CDH13: variants seen among roughly 807,000 people sequenced by gnomAD.
CDH13 encodes cadherin 13, also known as cadherin-13.
Under a neutral mutation model 63.8 loss-of-function variants are expected in CDH13, and 24 were observed. That is an observed-to-expected ratio of 0.38 (90% CI 0.27 to 0.53). CDH13 has a LOEUF of 0.53. Among genes scored for constraint, CDH13 ranks in the 20% least tolerant of loss-of-function variants. CDH13 has a pLI of 0.85. For synonymous variants in CDH13, 503 were observed against 355.3 expected, an observed-to-expected ratio of 1.42 and a Z score of -4.67; for missense variants, 1,049 against 903.1, an observed-to-expected ratio of 1.16 and a Z score of -2.07.
At chr16:83,252,107 TAC>T (rs149781230) in intron 5 of CDH13, among the ~76,000 whole-genome samples, 27,110 of 135,702 alleles carry the variant, frequency 0.2, 3,177 homozygotes, top group East Asian at 0.56. Context: ...ATATATATTA[TAC>T]ACACACACAC....
rs1567731430 is a variant in CDH13, at chr16:83,000,220, C to CT, written c.158-31788dup. Among the ~76,000 whole-genome samples the CT allele has an allele frequency of 3.7e-3, 126 of 33,974 alleles. 13 individuals carry two copies. The highest frequency in any genetic ancestry group is 9.5e-3 in the African/African-American group (92 of 9,674). The allele number at this position is 33,974 out of a possible 152,430, so 22.3% of individuals were successfully genotyped here. A position where few individuals can be genotyped will look rare whatever the true frequency, so the allele number is the denominator to read the frequency against. Reference sequence around the variant, plus strand: ...TCCCTAGGAATATCCACAGGTTTAGCTTATTTTTTTTTTTTTTTTTTTTTT... The same window carrying CT: ...TCCCTAGGAATATCCACAGGTTTAGCTTTATTTTTTTTTTTTTTTTTTTTTT... On this transcript the variant is annotated intron_variant, in intron 2 of 13. Transcript: ENST00000567109.
At chr16:83,682,199 C>A (rs996887402) in intron 10 of CDH13, among the ~76,000 whole-genome samples, 1 of 152,164 alleles carries the variant, frequency 6.6e-6, no homozygotes, top group Admixed American at 6.5e-5. Flanking sequence ...ATAGCAGTAT[C>A]CTCTGAGAGA....
At position 82,685,479 on chromosome 16, in the gene CDH13, A is replaced by T. The variant is rs548203745; in HGVS notation, c.45+58342A>T. 3.9e-5 allele frequency among the ~76,000 whole-genome samples: 6 copies of T among 152,240 alleles called. No homozygotes were observed. The East Asian group carries it at 5.8e-4, about 15-fold the overall frequency. ...TGGGGGTTAGACATTTAACATATGG[A>T]TGTTGGGGGGAATAAATCTTTAGCC... On this transcript the variant is annotated intron_variant, in intron 1 of 13. Transcript: ENST00000567109.
intron 2 of CDH13, among the ~76,000 whole-genome samples, chr16:82,927,706 T>G (rs1397641689): frequency 6.6e-6 from 1 of 152,204 alleles, no homozygotes; most frequent in Non-Finnish European, 1.5e-5. Flanking sequence ...ATTGCCAGCT[T>G]ATGACTTTGG....
At chr16:82,657,780 A>G (rs1911466912) in intron 1 of CDH13, among the ~76,000 whole-genome samples, 1 of 152,222 alleles carries the variant, frequency 6.6e-6, no homozygotes. Context: ...TTAACCTCGT[A>G]TCTTGTAATC....
rs986384141 is a variant in CDH13, at chr16:83,127,261, G to A, written c.483+1760G>A. Among the ~76,000 whole-genome samples, 5 of 152,308 alleles carry A rather than the reference G, an allele frequency of 3.3e-5. No homozygotes were observed. The East Asian group carries it at 7.7e-4, about 24-fold the overall frequency. ...GAGGAGTTGGGGTTTCATCGTGCATGCAGCAGGGGACCACTGGAAGATTTC... is the reference window on the plus strand; with the variant it reads ...GAGGAGTTGGGGTTTCATCGTGCATACAGCAGGGGACCACTGGAAGATTTC... On this transcript the variant is annotated intron_variant, in intron 4 of 13. Coordinates refer to ENST00000567109, the MANE Select transcript of CDH13 (RefSeq NM_001257.5).
intron 6 of CDH13, among the ~76,000 whole-genome samples, chr16:83,351,513 T>C (rs12930957): frequency 0.53 from 80,796 of 151,828 alleles, 24,489 homozygotes; most frequent in East Asian, 0.82. Context: ...TCCGTAAATC[T>C]CTCTCTTCAC....
chr16:83,545,610 A>G (rs1190867029), intron 7 of CDH13, among the ~76,000 whole-genome samples: 1 of 152,146 alleles, frequency 6.6e-6, no homozygotes, highest in Non-Finnish European at 1.5e-5. Flanking sequence ...AAGTCCTTCT[A>G]ATGAAAAAGG....
At chr16:82,735,441 A>G (rs892554242) in intron 1 of CDH13, among the ~76,000 whole-genome samples, 2 of 152,248 alleles carry the variant, frequency 1.3e-5, no homozygotes, top group African/African-American at 4.8e-5. Context: ...GGCATGAAAC[A>G]ATACAGTTAT....
chr16:83,466,398 GAA>G (rs1255177623), intron 6 of CDH13, among the ~76,000 whole-genome samples: 5 of 152,294 alleles, frequency 3.3e-5, no homozygotes, highest in African/African-American at 1.2e-4. Context: ...CTTATATACA[GAA>G]ACAGTCCAGC....
chr16:83,041,091 T>C (rs1366816362), intron 3 of CDH13, among the ~76,000 whole-genome samples: 1 of 152,210 alleles, frequency 6.6e-6, no homozygotes, highest in African/African-American at 2.4e-5. Flanking sequence ...GACCTGGCAG[T>C]ATTTAAAAGT....
intron 1 of CDH13, among the ~76,000 whole-genome samples, chr16:82,666,374 C>T (rs917105989): frequency 1.4e-4 from 22 of 152,196 alleles, no homozygotes; most frequent in Admixed American, 5.2e-4. Flanking sequence ...GTACCTGAAT[C>T]ATGGACAATG....
At chr16:82,830,516 T>C (rs1013971895) in intron 1 of CDH13, among the ~76,000 whole-genome samples, 2 of 152,150 alleles carry the variant, frequency 1.3e-5, no homozygotes, top group African/African-American at 4.8e-5. Context: ...AAAAAGAGGA[T>C]CTACAGTGTC....
At chr16:83,532,024 C>T (rs1369496349) in intron 7 of CDH13, among the ~76,000 whole-genome samples, 2 of 152,108 alleles carry the variant, frequency 1.3e-5, no homozygotes, top group Admixed American at 6.5e-5. Flanking sequence ...CAGGTCTTTC[C>T]TGTGCTATGC....
intron 3 of CDH13, among the ~76,000 whole-genome samples, chr16:83,075,729 A>G (rs1262155393): frequency 1.3e-5 from 2 of 152,214 alleles, no homozygotes; most frequent in East Asian, 3.9e-4. Context: ...GAGACATATC[A>G]ATCTTGCTTG....
At chr16:82,890,576 G>A (rs796494069) in intron 2 of CDH13, among the ~76,000 whole-genome samples, 11 of 151,824 alleles carry the variant, frequency 7.2e-5, no homozygotes, top group African/African-American at 2.7e-4. Flanking sequence ...AGTTTTCAAG[G>A]TCTTCTTACA....
intron 6 of CDH13, among the ~76,000 whole-genome samples, chr16:83,359,043 C>T (rs912797020): frequency 9.9e-5 from 15 of 152,036 alleles, no homozygotes; most frequent in African/African-American, 3.1e-4. Context: ...GAGAGGAAAA[C>T]TTTAAAGGGC....
intron 1 of CDH13, among the ~76,000 whole-genome samples, chr16:82,663,494 C>G (rs1912217423): frequency 6.6e-6 from 1 of 151,650 alleles, no homozygotes; most frequent in Admixed American, 6.6e-5. Context: ...CACCGCCACT[C>G]ATTTTACACA....
In CDH13 at chr16:83,689,676, G is replaced by A. The variant is rs185569855; in HGVS notation, c.1538+11215G>A. Among the ~76,000 whole-genome samples the A allele has an allele frequency of 1.7e-3, 252 of 152,240 alleles. 1 individual carries two copies. Among genetic ancestry groups the A allele is most frequent in the African/African-American group, 5.5e-3 (229 of 41,540 alleles). On this transcript the variant is annotated intron_variant, in intron 10 of 13. Coordinates refer to ENST00000567109, the MANE Select transcript of CDH13 (RefSeq NM_001257.5). ...GGATTTCCTCATGCATTCCAATAGC[G>A]TTGGCAGGAATCTCACTAGAAGATC...
Sources: gnomAD v4.1 joint callset for allele counts (sites outside exome capture counted in the v4.1 genomes callset) on GRCh38, gnomAD v4.1.1 for gene constraint, MANE v1.5 for transcripts, NCBI Gene and HGNC (gene_info 2026-07-23, HGNC 2026-07-21) for gene names.